Variants in RNF13 observed in about 807,000 individuals in gnomAD.
RNF13 encodes E3 ubiquitin-protein ligase RNF13.
A neutral mutation model predicts 37.7 loss-of-function variants in RNF13; 19 were observed. The observed-to-expected ratio is 0.50, with a 90% confidence interval of 0.35 to 0.74. The LOEUF (loss-of-function observed/expected upper bound fraction) is 0.74, where lower values mean the gene tolerates loss of function less well. Among genes scored for constraint, RNF13 ranks in the 30% least tolerant of loss-of-function variants. The pLI is 0.01. For missense variants in RNF13, 375 were observed against 453.0 expected, an observed-to-expected ratio of 0.83 and a Z score of 1.56; for synonymous variants, 144 against 157.8, an observed-to-expected ratio of 0.91 and a Z score of 0.65.
chr3:149,850,586 CTT>C (rs1723040275), intron 2 of RNF13, among the ~76,000 whole-genome samples: 1 of 152,164 alleles, frequency 6.6e-6, no homozygotes, highest in African/African-American at 2.4e-5. Flanking sequence ...TAGTGAAACT[CTT>C]AAGTAATAGG....
At chr3:149,843,346 A>AAGTCTTCC (rs1008400887) in intron 1 of RNF13, among the ~76,000 whole-genome samples, 1 of 152,182 alleles carries the variant, frequency 6.6e-6, no homozygotes, top group Non-Finnish European at 1.5e-5. Context: ...AACTCTATAC[A>AAGTCTTCC]TTGCTAAAAG....
rs762277603 is a variant in RNF13 at position 149,960,093 on chromosome 3, G to T, written c.738G>T (p.Glu246Asp). The T allele has an allele frequency of 6.2e-7, 1 of 1,612,680 alleles. No homozygotes were observed. The highest frequency in any genetic ancestry group is 8.5e-7 in the Non-Finnish European group (1 of 1,178,740). Reference protein sequence around the residue: ...EYDVCAICLDEYEDGDKLRIL... With the variant: ...EYDVCAICLDDYEDGDKLRIL... ...ATGTATGTGCCATTTGTTTGGATGAGTATGAAGATGGAGACAAACTCAGAA... is the reference window on the plus strand; with the variant it reads ...ATGTATGTGCCATTTGTTTGGATGATTATGAAGATGGAGACAAACTCAGAA... Residue 246 changes from glutamate (E) to aspartate (D), a missense_variant, in exon 9 of 10, where the codon GAG becomes GAT. Physicochemically the swap from Glu to Asp is conservative, Grantham distance 45. Transcript: ENST00000392894.
intron 4 of RNF13, among the ~76,000 whole-genome samples, chr3:149,879,513 G>T (rs1448698034): frequency 1.3e-5 from 2 of 151,908 alleles, no homozygotes; most frequent in East Asian, 1.9e-4. Flanking sequence ...TTGTTATGTT[G>T]CTCAGACTGG....
At chr3:149,926,942 G>A (rs1718712744) in intron 8 of RNF13, among the ~76,000 whole-genome samples, 1 of 151,984 alleles carries the variant, frequency 6.6e-6, no homozygotes, top group South Asian at 2.1e-4. Context: ...GGTAAAAATC[G>A]AATTGTCAAG....
At chr3:149,938,691 G>A (rs1373539857) in intron 8 of RNF13, among the ~76,000 whole-genome samples, 1 of 151,694 alleles carries the variant, frequency 6.6e-6, no homozygotes, top group Non-Finnish European at 1.5e-5. Flanking sequence ...TTAAAATACT[G>A]AGTTTTATTT....
chr3:149,857,159 A>T (rs1473076690), intron 3 of RNF13, among the ~76,000 whole-genome samples: 2 of 152,210 alleles, frequency 1.3e-5, no homozygotes, highest in Non-Finnish European at 2.9e-5. Flanking sequence ...ATTCCATCAG[A>T]ATCATTTATA....
chr3:149,865,445 C>A (rs2108427031), intron 3 of RNF13, among the ~76,000 whole-genome samples: 1 of 151,214 alleles, frequency 6.6e-6, no homozygotes, highest in Admixed American at 6.6e-5. Context: ...CTGTCTTGTT[C>A]ATTGACCAGC....
intron 6 of RNF13, among the ~76,000 whole-genome samples, chr3:149,902,543 A>C (rs1470055619): frequency 6.6e-6 from 1 of 152,088 alleles, no homozygotes. Flanking sequence ...CAGAATCCAA[A>C]ACATTGTGTT....
intron 5 of RNF13, among the ~76,000 whole-genome samples, chr3:149,897,654 C>T (rs73870471): frequency 0.012 from 1,866 of 152,184 alleles, 37 homozygotes; most frequent in African/African-American, 0.043. Flanking sequence ...TGTGTTTAAA[C>T]GTTTTATATG....
chr3:149,876,237 G>A (rs1712676038), intron 4 of RNF13, among the ~76,000 whole-genome samples: 1 of 152,204 alleles, frequency 6.6e-6, no homozygotes, highest in Non-Finnish European at 1.5e-5. Context: ...TGCAACATAT[G>A]CACTTTATTC....
chr3:149,937,435 T>A (rs536034183), intron 8 of RNF13, among the ~76,000 whole-genome samples: 19 of 152,250 alleles, frequency 1.2e-4, no homozygotes, highest in African/African-American at 4.6e-4. Flanking sequence ...TCTCTTAATT[T>A]TTCACTTTTT....
At chr3:149,925,271 A>G (rs928114133) in intron 8 of RNF13, among the ~76,000 whole-genome samples, 3 of 152,188 alleles carry the variant, frequency 2.0e-5, no homozygotes, top group Non-Finnish European at 4.4e-5. Flanking sequence ...TAACATTTAT[A>G]CAGAAGAGTA....
intron 1 of RNF13, among the ~76,000 whole-genome samples, chr3:149,844,082 G>A (rs1559901552): frequency 1.3e-5 from 2 of 152,134 alleles, no homozygotes; most frequent in Non-Finnish European, 2.9e-5. Flanking sequence ...TGGTCAATTA[G>A]GTACATACTT....
intron 5 of RNF13, among the ~76,000 whole-genome samples, chr3:149,897,246 T>G (rs180960530): frequency 1.8e-4 from 28 of 152,354 alleles, no homozygotes; most frequent in Non-Finnish European, 3.5e-4. Flanking sequence ...AGCAAGTTAC[T>G]TACTCTTTGT....
intron 8 of RNF13, among the ~76,000 whole-genome samples, chr3:149,930,129 A>G (rs1327031370): frequency 6.6e-6 from 1 of 152,118 alleles, no homozygotes; most frequent in Non-Finnish European, 1.5e-5. Context: ...GGGTTTCACT[A>G]TGTTGGCTAG....
intron 3 of RNF13, among the ~76,000 whole-genome samples, chr3:149,868,670 A>T (rs1711622361): frequency 7.3e-6 from 1 of 136,904 alleles, no homozygotes; most frequent in Non-Finnish European, 1.6e-5. Context: ...TTGTTATTCC[A>T]CTCCCTCCTG....
chr3:149,838,854 G>A (rs1721910372), intron 1 of RNF13, among the ~76,000 whole-genome samples: 1 of 143,770 alleles, frequency 7.0e-6, no homozygotes, highest in African/African-American at 2.6e-5. Context: ...CTTTTCTATT[G>A]CATCATCAGG....
chr3:149,932,634 A>C (rs1200269413), intron 8 of RNF13, among the ~76,000 whole-genome samples: 2 of 152,214 alleles, frequency 1.3e-5, no homozygotes, highest in Non-Finnish European at 2.9e-5. Flanking sequence ...TTAAAGTTTA[A>C]AGCTCCAACA....
rs574849485 is a variant in RNF13, at chr3:149,854,667, A to G, written c.195+2071A>G. ...GCTTTATAGATGAGTGGTGCAGCCA[A>G]TGGACCCTCACACCACATTATTTTT... On this transcript the variant is annotated intron_variant, in intron 3 of 9. Coordinates refer to ENST00000392894, the MANE Select transcript of RNF13 (RefSeq NM_183381.3). Among the ~76,000 whole-genome samples the G allele has an allele frequency of 3.3e-5, 5 of 152,294 alleles. No individual in the cohort carries two copies. In the East Asian group the frequency reaches 7.7e-4, roughly 24 times the overall value.
Sources: gnomAD v4.1 joint callset for allele counts (sites outside exome capture counted in the v4.1 genomes callset) on GRCh38, gnomAD v4.1.1 for gene constraint, MANE v1.5 for transcripts, NCBI Gene and HGNC (gene_info 2026-07-23, HGNC 2026-07-21) for gene names.